The following SMOC2 variants were observed in gnomAD, a reference collection of about 807,000 sequenced individuals.
The protein encoded by SMOC2 is SPARC-related modular calcium-binding protein 2.
In SMOC2, 39 loss-of-function variants were observed where a neutral mutation model predicts 61.4. The observed-to-expected ratio is 0.64, with a 90% CI of 0.49 to 0.83. SMOC2 has a LOEUF of 0.83. Ranked by LOEUF, SMOC2 falls within the 40% of genes least tolerant of loss-of-function variation. The pLI, the probability that SMOC2 is intolerant of heterozygous loss-of-function variation, is 0.00. For missense variants in SMOC2, 556 were observed against 592.9 expected, an observed-to-expected ratio of 0.94 and a Z score of 0.65; for synonymous variants, 247 against 239.9, an observed-to-expected ratio of 1.03 and a Z score of -0.27.
chr6:168,533,603 T>C (rs1018512467), intron 4 of SMOC2, among the ~76,000 whole-genome samples: 1 of 152,196 alleles, frequency 6.6e-6, no homozygotes, highest in African/African-American at 2.4e-5. Flanking sequence ...AAGCACTTCC[T>C]GGTAGAAATC....
intron 7 of SMOC2, among the ~76,000 whole-genome samples, chr6:168,587,374 A>G (rs76173324): frequency 6.6e-6 from 1 of 152,356 alleles, no homozygotes; most frequent in East Asian, 1.9e-4. Context: ...TACCCATGAC[A>G]TGGCCTCGGG....
In SMOC2 at chr6:168,547,211, G is replaced by A. The variant is rs140455032; in HGVS notation, c.562+42G>A. On this transcript the variant is annotated intron_variant, in intron 6 of 12. Transcript: ENST00000356284. ...ATTGCACAGTCTGGGTTGGGGAGGA[G>A]TGCGAGGGACGGTATGGAGCTGGGA... 513 of 1,575,086 alleles carry A rather than the reference G, an allele frequency of 3.3e-4. 1 individual carries two copies. The Middle Eastern group carries it at 8.8e-3, about 27-fold the overall frequency.
At chr6:168,508,403 T>C (rs1364634320) in intron 1 of SMOC2, among the ~76,000 whole-genome samples, 1 of 152,144 alleles carries the variant, frequency 6.6e-6, no homozygotes, top group East Asian at 1.9e-4. Flanking sequence ...GACAGCCCTA[T>C]GTGACAATAA....
At chr6:168,602,087 TC>T (rs1785567480) in intron 8 of SMOC2, among the ~76,000 whole-genome samples, 1 of 151,914 alleles carries the variant, frequency 6.6e-6, no homozygotes, top group African/African-American at 2.4e-5. Context: ...AAACCCTCTT[TC>T]AGGGACTGAG....
chr6:168,456,485 C>G (rs1005739088), intron 1 of SMOC2, among the ~76,000 whole-genome samples: 16 of 152,164 alleles, frequency 1.1e-4, no homozygotes, highest in Non-Finnish European at 2.2e-4. Flanking sequence ...TTCGGTGCTG[C>G]GAGACCCTCA....
intron 7 of SMOC2, among the ~76,000 whole-genome samples, chr6:168,569,745 G>A (rs1403446581): frequency 6.6e-6 from 1 of 152,134 alleles, no homozygotes; most frequent in Non-Finnish European, 1.5e-5. Flanking sequence ...TGCCTGACCT[G>A]GACCTAAGTA....
intron 7 of SMOC2, among the ~76,000 whole-genome samples, chr6:168,565,972 C>T (rs544479619): frequency 2.6e-4 from 40 of 152,238 alleles, no homozygotes; most frequent in South Asian, 1.2e-3. Flanking sequence ...GTGAGAATTT[C>T]CCCCAAATTT....
chr6:168,505,189 C>G (rs1456603906), intron 1 of SMOC2, among the ~76,000 whole-genome samples: 2 of 120,946 alleles, frequency 1.7e-5, no homozygotes, highest in African/African-American at 6.4e-5. Context: ...ATGTCTGTCT[C>G]TCAGATGCTG....
At chr6:168,663,994 T>G in intron 11 of SMOC2, 80 bp from the exon 12 acceptor site, 1 of 1,204,238 alleles carries the variant, frequency 8.3e-7, no homozygotes, top group Non-Finnish European at 1.2e-6. Context: ...TGATGTGGAC[T>G]CCTTCCTGAA....
chr6:168,519,568 A>T (rs1381686344), intron 2 of SMOC2, among the ~76,000 whole-genome samples: 1 of 152,180 alleles, frequency 6.6e-6, no homozygotes, highest in East Asian at 1.9e-4. Flanking sequence ...GTGATCAGAA[A>T]CACAGCCGGA....
intron 1 of SMOC2, among the ~76,000 whole-genome samples, chr6:168,465,603 T>C (rs1169680873): frequency 6.6e-6 from 1 of 152,140 alleles, no homozygotes; most frequent in Non-Finnish European, 1.5e-5. Flanking sequence ...TGCCAAGAGA[T>C]TTTACGAAAG....
intron 2 of SMOC2, among the ~76,000 whole-genome samples, chr6:168,514,167 T>G (rs1783075162): frequency 6.6e-6 from 1 of 152,150 alleles, no homozygotes. Flanking sequence ...TTGTTTACTC[T>G]GCATCTGAGA....
chr6:168,650,595 A>G (rs1787166530), intron 9 of SMOC2, 86 bp from the exon 10 acceptor site: 2 of 1,304,674 alleles, frequency 1.5e-6, no homozygotes, highest in South Asian at 2.7e-5. Flanking sequence ...TCATTTCCAA[A>G]CAGTAAAACA....
chr6:168,608,342 G>T, intron 9 of SMOC2, 103 bp downstream of exon 9: 2 of 1,321,470 alleles, frequency 1.5e-6, no homozygotes, highest in Admixed American at 2.1e-5. Context: ...TTTCCCAGGG[G>T]GCCTGTCTGA....
intron 12 of SMOC2, chr6:168,664,380 AGATCTTTTTT>A: frequency 2.8e-6 from 1 of 363,224 alleles, no homozygotes; most frequent in East Asian, 8.8e-5. Context: ...CTTGTTTGGT[AGATCTTTTTT>A]TTTTTTTTTT....
chr6:168,623,643 AT>A (rs1032820671), intron 9 of SMOC2, among the ~76,000 whole-genome samples: 1 of 140,484 alleles, frequency 7.1e-6, no homozygotes, highest in South Asian at 2.5e-4. Flanking sequence ...GCCAATAATT[AT>A]TTTTTTTATT....
intron 4 of SMOC2, among the ~76,000 whole-genome samples, chr6:168,533,637 T>G (rs544763219): frequency 3.3e-5 from 5 of 152,328 alleles, no homozygotes; most frequent in African/African-American, 1.2e-4. Flanking sequence ...GTGCAGTGGC[T>G]TGGCTTGACC....
At chr6:168,609,645 T>C (rs899368196) in intron 9 of SMOC2, among the ~76,000 whole-genome samples, 3 of 152,158 alleles carry the variant, frequency 2.0e-5, no homozygotes, top group Non-Finnish European at 2.9e-5. Context: ...GATTTTAATA[T>C]TGGTGGGCAA....
At chr6:168,490,478 C>T (rs184537911) in intron 1 of SMOC2, among the ~76,000 whole-genome samples, 2 of 152,258 alleles carry the variant, frequency 1.3e-5, no homozygotes, top group African/African-American at 4.8e-5. Flanking sequence ...TCTCACTCAC[C>T]CCTTGATGGC....
Sources: gnomAD v4.1 joint callset for allele counts (sites outside exome capture counted in the v4.1 genomes callset) on GRCh38, gnomAD v4.1.1 for gene constraint, MANE v1.5 for transcripts, NCBI Gene and HGNC (gene_info 2026-07-23, HGNC 2026-07-21) for gene names.